KCND2: variants seen among roughly 807,000 people sequenced by gnomAD.
KCND2 encodes the protein A-type voltage-gated potassium channel KCND2.
A neutral mutation model predicts 54.4 loss-of-function variants in KCND2; 16 were observed. The ratio of observed to expected loss-of-function variants is 0.29; its 90% CI spans 0.20 to 0.45. KCND2 has a LOEUF of 0.45. Among genes scored for constraint, KCND2 ranks in the 20% least tolerant of loss-of-function variants. The pLI is 1.00. For missense variants in KCND2, 486 were observed against 824.2 expected, an observed-to-expected ratio of 0.59 and a Z score of 5.02; for synonymous variants, 317 against 310.7, an observed-to-expected ratio of 1.02 and a Z score of -0.21.
At chr7:120,336,416 A>C (rs1290564551) in intron 1 of KCND2, among the ~76,000 whole-genome samples, 1 of 152,162 alleles carries the variant, frequency 6.6e-6, no homozygotes, top group Admixed American at 6.5e-5. Context: ...GACACGGTCC[A>C]TCTTGTGATT....
At chr7:120,384,998 C>CTTTTTTTTTTTTTTTTTTTTTTT in intron 1 of KCND2, among the ~76,000 whole-genome samples, 1 of 82,512 alleles carries the variant, frequency 1.2e-5, no homozygotes, top group Non-Finnish European at 2.1e-5. Flanking sequence ...TTGTATATAA[C>CTTTTTTTTTTTTTTTTTTTTTTT]TTTTTTTTTT....
chr7:120,538,659 T>G (rs992545737), intron 1 of KCND2, among the ~76,000 whole-genome samples: 1 of 152,108 alleles, frequency 6.6e-6, no homozygotes, highest in Non-Finnish European at 1.5e-5. Flanking sequence ...TTCCCCATGT[T>G]TTATACAGAT....
intron 1 of KCND2, among the ~76,000 whole-genome samples, chr7:120,575,372 C>T (rs1792418050): frequency 6.6e-6 from 1 of 152,142 alleles, no homozygotes; most frequent in African/African-American, 2.4e-5. Context: ...AAGCATCCAG[C>T]ACGGGAGAAA....
chr7:120,309,550 GACAC>G lies in KCND2; in HGVS notation c.1115+33817_1115+33820del, dbSNP rs200135604. ...TTTAGTTGAAAACACACCCCCCACAGACACACACACACACACATATATATAATTC... is the reference window on the plus strand; with the variant it reads ...TTTAGTTGAAAACACACCCCCCACAGACACACACACACATATATATAATTC... On this transcript the variant is annotated intron_variant, in intron 1 of 5. Coordinates refer to ENST00000331113, the MANE Select transcript of KCND2 (RefSeq NM_012281.3). Among the ~76,000 whole-genome samples the G allele has an allele frequency of 0.059, 7,992 of 134,422 alleles. 1,222 individuals carry two copies. The East Asian group carries it at 0.63, about 11-fold the overall frequency. 88.2% of individuals were successfully genotyped at this position (134,422 alleles called of 152,430 possible).
intron 1 of KCND2, among the ~76,000 whole-genome samples, chr7:120,487,746 A>C (rs567623963): frequency 6.6e-6 from 1 of 152,268 alleles, no homozygotes; most frequent in East Asian, 1.9e-4. Context: ...TATCCCTGAT[A>C]CTCTTAAAAG....
intron 1 of KCND2, among the ~76,000 whole-genome samples, chr7:120,407,664 T>C (rs1029014696): frequency 1.3e-5 from 2 of 151,768 alleles, no homozygotes; most frequent in Non-Finnish European, 2.9e-5. Context: ...TGGTATGTAA[T>C]AACTTCTATG....
intron 1 of KCND2, among the ~76,000 whole-genome samples, chr7:120,597,835 T>G (rs1244679041): frequency 6.6e-6 from 1 of 152,148 alleles, no homozygotes; most frequent in Non-Finnish European, 1.5e-5. Flanking sequence ...CTAGTCAGTC[T>G]TGTTTCCTGA....
At chr7:120,607,324 G>A (rs1413059226) in intron 1 of KCND2, among the ~76,000 whole-genome samples, 2 of 152,008 alleles carry the variant, frequency 1.3e-5, no homozygotes, top group Non-Finnish European at 2.9e-5. Flanking sequence ...GGTTTTCAGA[G>A]GGCCTACTCT....
chr7:120,564,455 T>A (rs1792273014), intron 1 of KCND2, among the ~76,000 whole-genome samples: 1 of 152,180 alleles, frequency 6.6e-6, no homozygotes, highest in South Asian at 2.1e-4. Context: ...GCTGTTTGAA[T>A]AATAAAGATG....
intron 1 of KCND2, among the ~76,000 whole-genome samples, chr7:120,702,289 TAGC>T (rs1358854128): frequency 6.6e-6 from 1 of 152,070 alleles, no homozygotes; most frequent in Non-Finnish European, 1.5e-5. Context: ...GTCAAAAACA[TAGC>T]AGATGTTTGT....
intron 1 of KCND2, among the ~76,000 whole-genome samples, chr7:120,477,166 A>G (rs1335054348): frequency 6.6e-6 from 1 of 152,224 alleles, no homozygotes; most frequent in Non-Finnish European, 1.5e-5. Context: ...AGCTTACTGT[A>G]TGCTTACTAT....
At chr7:120,547,850 G>C (rs930388630) in intron 1 of KCND2, among the ~76,000 whole-genome samples, 4 of 151,956 alleles carry the variant, frequency 2.6e-5, no homozygotes, top group Admixed American at 2.6e-4. Context: ...ACGTGAGGCA[G>C]TCAGCTTTCT....
At chr7:120,513,021 C>A (rs1038216013) in intron 1 of KCND2, among the ~76,000 whole-genome samples, 2 of 151,958 alleles carry the variant, frequency 1.3e-5, no homozygotes, top group East Asian at 3.9e-4. Flanking sequence ...GTCTTGAACT[C>A]CTGGCCTCAA....
intron 1 of KCND2, among the ~76,000 whole-genome samples, chr7:120,294,885 A>T (rs1039044039): frequency 1.3e-5 from 2 of 151,650 alleles, no homozygotes; most frequent in African/African-American, 4.8e-5. Context: ...TGTGTATGCC[A>T]GTAAAATATG....
At chr7:120,677,269 G>C (rs1401910523) in intron 1 of KCND2, among the ~76,000 whole-genome samples, 1 of 152,138 alleles carries the variant, frequency 6.6e-6, no homozygotes, top group Non-Finnish European at 1.5e-5. Flanking sequence ...CAAAGTATTT[G>C]CATGACTTAC....
At chr7:120,525,008 T>C (rs971102262) in intron 1 of KCND2, among the ~76,000 whole-genome samples, 1 of 152,180 alleles carries the variant, frequency 6.6e-6, no homozygotes, top group Non-Finnish European at 1.5e-5. Flanking sequence ...ACTTTGCATC[T>C]TTAGTCATTC....
At chr7:120,445,197 A>G (rs1388495463) in intron 1 of KCND2, among the ~76,000 whole-genome samples, 4 of 152,202 alleles carry the variant, frequency 2.6e-5, no homozygotes, top group African/African-American at 9.6e-5. Flanking sequence ...AAAACATCTT[A>G]ATAGAAATGT....
At chr7:120,709,120 G>A (rs1792507019) in intron 1 of KCND2, among the ~76,000 whole-genome samples, 1 of 151,976 alleles carries the variant, frequency 6.6e-6, no homozygotes, top group African/African-American at 2.4e-5. Context: ...AAAACCGTGA[G>A]CTCCTGTTCA....
At chr7:120,611,325 C>T (rs78118140) in intron 1 of KCND2, among the ~76,000 whole-genome samples, 10,207 of 152,192 alleles carry the variant, frequency 0.067, 410 homozygotes, top group African/African-American at 0.11. Flanking sequence ...AGAAACTGAA[C>T]TGTAAAGAAA....
Sources: gnomAD v4.1 joint callset for allele counts (sites outside exome capture counted in the v4.1 genomes callset) on GRCh38, gnomAD v4.1.1 for gene constraint, MANE v1.5 for transcripts, NCBI Gene and HGNC (gene_info 2026-07-23, HGNC 2026-07-21) for gene names.